The following THOC2 variants were observed in gnomAD, a reference collection of about 807,000 sequenced individuals.
The protein encoded by THOC2 is THO complex subunit 2.
A neutral mutation model predicts 128.4 loss-of-function variants in THOC2; 10 were observed. The observed-to-expected ratio is 0.08, with a 90% CI of 0.05 to 0.13. The LOEUF (loss-of-function observed/expected upper bound fraction) is 0.13, where lower values mean the gene tolerates loss of function less well. Ranked by LOEUF, THOC2 falls within the 10% of genes least tolerant of loss-of-function variation. The pLI, the probability that THOC2 is intolerant of heterozygous loss-of-function variation, is 1.00. For synonymous variants in THOC2, 393 were observed against 396.9 expected, an observed-to-expected ratio of 0.99 and a Z score of 0.12; for missense variants, 535 against 1,155.7, an observed-to-expected ratio of 0.46 and a Z score of 7.79.
At chrX:123,700,588 G>A (rs893662708) in intron 4 of THOC2, among the ~76,000 whole-genome samples, 1 of 104,568 alleles carries the variant, frequency 9.6e-6, no homozygotes, top group Non-Finnish European at 2.0e-5. Context: ...ATCTTAACCC[G>A]GAAAGTGCAG....
Position 123,706,840 on chromosome X carries a change from A to C in THOC2, c.222+18T>G. 1.1e-6 allele frequency: 1 copy of C among 904,108 alleles called. No individual in the cohort carries two copies. Among genetic ancestry groups the C allele is most frequent in the Non-Finnish European group, 1.5e-6 (1 of 671,701 alleles). 74.5% of individuals were successfully genotyped at this position (904,108 alleles called of 1,213,427 possible). ...ATATATAACAACTATTAACTTAAAA[A>C]AATATATACATACTTACACTAATGT... On this transcript the variant is annotated intron_variant, in intron 3 of 38. Transcript: ENST00000245838.
At chrX:123,661,711 CAA>C (rs1189731149) in intron 12 of THOC2, among the ~76,000 whole-genome samples, 3 of 111,288 alleles carry the variant, frequency 2.7e-5, no homozygotes, top group Non-Finnish European at 5.7e-5. Flanking sequence ...ATATAATAAA[CAA>C]TATATATAGT....
intron 18 of THOC2, 53 bp from the exon 19 acceptor site, chrX:123,636,228 T>C: frequency 1.0e-6 from 1 of 977,751 alleles, no homozygotes. Context: ...AATGCACAAG[T>C]ATCATTTCAA....
intron 38 of THOC2, among the ~76,000 whole-genome samples, chrX:123,605,406 A>G (rs954209148): frequency 8.0e-5 from 9 of 111,863 alleles, no homozygotes; most frequent in Non-Finnish European, 1.7e-4. Flanking sequence ...ATTTTTTTTA[A>G]GTATAAAAGT....
chrX:123,690,591 T>C (rs981339739), intron 7 of THOC2, among the ~76,000 whole-genome samples: 1 of 111,286 alleles, frequency 9.0e-6, no homozygotes, highest in African/African-American at 3.3e-5. Flanking sequence ...ATGACTGTTG[T>C]AGAAATTAGG....
At chrX:123,673,717 C>T (rs1486899100) in intron 8 of THOC2, among the ~76,000 whole-genome samples, 5 of 112,113 alleles carry the variant, frequency 4.5e-5, no homozygotes, top group Non-Finnish European at 3.8e-5. Context: ...TTCTTTTCAC[C>T]GTGGTGCTCA....
chrX:123,726,761 A>C (rs1273226304), intron 1 of THOC2, among the ~76,000 whole-genome samples: 2 of 112,286 alleles, frequency 1.8e-5, no homozygotes, highest in East Asian at 5.5e-4. Context: ...AAACATGTTC[A>C]TTAGGACACA....
At position 123,601,273 on chromosome X, in the gene THOC2, T is replaced by C. The variant is rs1372749282; in HGVS notation, c.*84A>G. On this transcript the variant is annotated 3_prime_UTR_variant, in exon 39 of 39. Transcript: ENST00000245838. ...TGCAAATGGCCCTCTTCATTCTTAATTCTCGGCAATTTACTCAGGAAAATA... is the reference window on the plus strand; with the variant it reads ...TGCAAATGGCCCTCTTCATTCTTAACTCTCGGCAATTTACTCAGGAAAATA... 8.9e-6 allele frequency: 1 copy of C among 111,821 alleles called. No homozygotes were observed. Among genetic ancestry groups the C allele is most frequent in the Non-Finnish European group, 1.9e-5 (1 of 53,141 alleles). The allele number at this position is 111,821 out of a possible 1,213,427, so 9.2% of individuals were successfully genotyped here.
rs144259707 is a variant in THOC2, at chrX:123,727,853, G to T, written c.71+5099C>A. On this transcript the variant is annotated intron_variant, in intron 1 of 38. Transcript: ENST00000245838. The stretch of plus-strand genomic sequence containing the variant: ...AGAATGAGGACAGAATCTACTTTCT[G>T]TCAAAAGATGTATGGAAAACTGAAT... 7.4e-4 allele frequency among the ~76,000 whole-genome samples: 83 copies of T among 112,686 alleles called. 1 individual carries two copies. The East Asian group carries it at 0.021, about 29-fold the overall frequency.
rs2049692646 is a variant in THOC2, at chrX:123,680,061, G to GTCCCCCAGTCCGACACCC, written c.768+6469_768+6486dup. On this transcript the variant is annotated intron_variant, in intron 8 of 38. Coordinates refer to ENST00000245838, the MANE Select transcript of THOC2 (RefSeq NM_001081550.2). ...CTCGTGGGAAGGGAAAGACCTGACC[G>GTCCCCCAGTCCGACACCC]TCCCCCAGTCCGACACCCGTAAAGG... Among the ~76,000 whole-genome samples the GTCCCCCAGTCCGACACCC allele has an allele frequency of 5.4e-5, 6 of 111,709 alleles. No individual in the cohort carries two copies. The East Asian group carries it at 1.7e-3, about 32-fold the overall frequency.
chrX:123,690,525 AACC>A (rs200238727), intron 7 of THOC2, among the ~76,000 whole-genome samples: 1,560 of 111,898 alleles, frequency 0.014, 30 homozygotes, highest in African/African-American at 0.048. Context: ...TAGAAAAAAT[AACC>A]AGTTATGTTA....
intron 22 of THOC2, among the ~76,000 whole-genome samples, chrX:123,629,671 A>G: frequency 9.0e-6 from 1 of 111,682 alleles, no homozygotes; most frequent in South Asian, 3.8e-4. Flanking sequence ...CAAAGCTACA[A>G]AGAACATTAG....
At chrX:123,710,937 C>T (rs2051158697) in intron 2 of THOC2, among the ~76,000 whole-genome samples, 1 of 101,516 alleles carries the variant, frequency 9.9e-6, no homozygotes, top group South Asian at 5.3e-4. Flanking sequence ...TTGCTGTGAG[C>T]CAAGATCGCG....
intron 15 of THOC2, among the ~76,000 whole-genome samples, chrX:123,641,581 A>C (rs2047914460): frequency 9.0e-6 from 1 of 111,299 alleles, no homozygotes; most frequent in Admixed American, 9.6e-5. Context: ...CAAATTTCCA[A>C]CTTACCACTA....
At chrX:123,730,121 C>T (rs1008211183) in intron 1 of THOC2, among the ~76,000 whole-genome samples, 14 of 111,130 alleles carry the variant, frequency 1.3e-4, no homozygotes, top group Admixed American at 1.9e-4. Flanking sequence ...ACTACATACA[C>T]GTAAGTTCTA....
chrX:123,642,719 C>G (rs1186044593), intron 15 of THOC2, among the ~76,000 whole-genome samples: 1 of 107,093 alleles, frequency 9.3e-6, no homozygotes, highest in Non-Finnish European at 1.9e-5. Context: ...CCCATTTTTA[C>G]AAAGAAAAAC....
At position 123,667,306 on chromosome X, in the gene THOC2, A is replaced by G. The variant is rs754141950; in HGVS notation, c.1018-28T>C. On this transcript the variant is annotated intron_variant, in intron 10 of 38. Coordinates refer to ENST00000245838, the MANE Select transcript of THOC2 (RefSeq NM_001081550.2). ...AAAAATGAATAGTCAAAACTAAGAT[A>G]CTCAGGATACAGACATCAAGAAATC... 8 of 1,103,699 alleles carry G rather than the reference A, an allele frequency of 7.2e-6. No individual in the cohort carries two copies. The Admixed American group carries it at 1.7e-4, about 24-fold the overall frequency. 91.0% of individuals were successfully genotyped at this position (1,103,699 alleles called of 1,213,427 possible).
intron 12 of THOC2, among the ~76,000 whole-genome samples, chrX:123,652,031 A>G (rs2048379851): frequency 8.9e-6 from 1 of 111,976 alleles, no homozygotes; most frequent in African/African-American, 3.3e-5. Context: ...AAAATCCTCA[A>G]TAAAATACTG....
chrX:123,676,645 T>C (rs1193066886), intron 8 of THOC2, among the ~76,000 whole-genome samples: 10 of 112,116 alleles, frequency 8.9e-5, no homozygotes, highest in African/African-American at 3.2e-4. Context: ...GTCCTATTGA[T>C]GCCATTTATG....
Sources: gnomAD v4.1 joint callset for allele counts (sites outside exome capture counted in the v4.1 genomes callset) on GRCh38, gnomAD v4.1.1 for gene constraint, MANE v1.5 for transcripts, NCBI Gene and HGNC (gene_info 2026-07-23, HGNC 2026-07-21) for gene names.